NEGR1: variants seen among roughly 807,000 people sequenced by gnomAD.
NEGR1 encodes the protein neuronal growth regulator 1.
A neutral mutation model predicts 40.9 loss-of-function variants in NEGR1; 10 were observed. The observed-to-expected ratio is 0.24, with a 90% CI of 0.15 to 0.42. The LOEUF is 0.42. Among genes scored for constraint, NEGR1 ranks in the 10% least tolerant of loss-of-function variants. The pLI is 1.00. For synonymous variants in NEGR1, 185 were observed against 166.8 expected, an observed-to-expected ratio of 1.11 and a Z score of -0.84; for missense variants, 352 against 438.9, an observed-to-expected ratio of 0.80 and a Z score of 1.77.
intron 6 of NEGR1, among the ~76,000 whole-genome samples, chr1:71,416,867 C>T (rs1277986077): frequency 2.0e-5 from 3 of 152,152 alleles, no homozygotes; most frequent in South Asian, 2.1e-4. Flanking sequence ...AAACAGTACT[C>T]GTATATCAGT....
chr1:71,423,734 G>A (rs981115597), intron 6 of NEGR1, among the ~76,000 whole-genome samples: 2 of 151,708 alleles, frequency 1.3e-5, no homozygotes, highest in African/African-American at 4.8e-5. Context: ...TTTTGGGCAG[G>A]GCATATAAAG....
intron 1 of NEGR1, among the ~76,000 whole-genome samples, chr1:71,953,316 G>A (rs1322036030): frequency 1.3e-5 from 2 of 150,416 alleles, no homozygotes; most frequent in African/African-American, 2.5e-5. Context: ...CTGGAGATGC[G>A]GTGGAAATAG....
At chr1:72,182,138 A>G (rs1652399736) in intron 1 of NEGR1, among the ~76,000 whole-genome samples, 1 of 152,218 alleles carries the variant, frequency 6.6e-6, no homozygotes, top group Non-Finnish European at 1.5e-5. Flanking sequence ...GCTTATTACT[A>G]TCTATATGTA....
chr1:72,245,146 C>T (rs1387341806), intron 1 of NEGR1, among the ~76,000 whole-genome samples: 1 of 151,848 alleles, frequency 6.6e-6, no homozygotes, highest in Admixed American at 6.6e-5. Context: ...GTCAGAGATA[C>T]AGATTTGGGT....
intron 6 of NEGR1, among the ~76,000 whole-genome samples, chr1:71,550,671 T>C (rs939410010): frequency 7.9e-5 from 12 of 151,644 alleles, no homozygotes; most frequent in Non-Finnish European, 1.2e-4. Context: ...GACTAGTTTC[T>C]GAGAGTTCCC....
At chr1:71,866,141 G>T (rs1433399712) in intron 2 of NEGR1, among the ~76,000 whole-genome samples, 2 of 151,918 alleles carry the variant, frequency 1.3e-5, no homozygotes, top group East Asian at 3.9e-4. Flanking sequence ...ATAATAATGA[G>T]GAAAGAAAAA....
At chr1:71,846,613 C>T (rs960090563) in intron 2 of NEGR1, among the ~76,000 whole-genome samples, 1 of 152,136 alleles carries the variant, frequency 6.6e-6, no homozygotes, top group Non-Finnish European at 1.5e-5. Flanking sequence ...CTTTACCACC[C>T]TATATATTGT....
intron 1 of NEGR1, among the ~76,000 whole-genome samples, chr1:72,032,803 C>G (rs539815328): frequency 1.3e-5 from 2 of 152,086 alleles, no homozygotes; most frequent in African/African-American, 4.8e-5. Flanking sequence ...AGGTCACTTC[C>G]TAGGTGAGTA....
intron 1 of NEGR1, among the ~76,000 whole-genome samples, chr1:72,051,072 C>T (rs527903451): frequency 1.3e-5 from 2 of 151,576 alleles, no homozygotes; most frequent in South Asian, 4.1e-4. Context: ...CATGCACTTA[C>T]CACATTTTGC....
chr1:71,748,446 G>T (rs1655457931), intron 3 of NEGR1, among the ~76,000 whole-genome samples: 1 of 152,072 alleles, frequency 6.6e-6, no homozygotes, highest in South Asian at 2.1e-4. Flanking sequence ...TTTAAAGGTA[G>T]ACTGCTATAT....
chr1:72,123,641 A>C (rs1346385697), intron 1 of NEGR1, among the ~76,000 whole-genome samples: 1 of 151,912 alleles, frequency 6.6e-6, no homozygotes, highest in Non-Finnish European at 1.5e-5. Flanking sequence ...CTGTGGGAGG[A>C]CATGTCATAG....
At chr1:71,634,556 T>C (rs1224066924) in intron 4 of NEGR1, among the ~76,000 whole-genome samples, 2 of 152,144 alleles carry the variant, frequency 1.3e-5, no homozygotes, top group African/African-American at 4.8e-5. Flanking sequence ...AAAGAGATCC[T>C]GAGTTCCTAA....
intron 1 of NEGR1, among the ~76,000 whole-genome samples, chr1:72,013,631 T>C (rs11807986): frequency 0.082 from 12,469 of 152,056 alleles, 526 homozygotes; most frequent in African/African-American, 0.11. Flanking sequence ...AAACCTCTAT[T>C]ATTAACAAAT....
chr1:71,429,851 A>G (rs943077168), intron 6 of NEGR1, among the ~76,000 whole-genome samples: 2 of 152,216 alleles, frequency 1.3e-5, no homozygotes, highest in Admixed American at 6.5e-5. Flanking sequence ...TAAAGTAAAA[A>G]TATACTTTAT....
chr1:71,545,459 A>G (rs538457222), intron 6 of NEGR1, among the ~76,000 whole-genome samples: 11 of 151,710 alleles, frequency 7.3e-5, no homozygotes, highest in Non-Finnish European at 8.8e-5. Flanking sequence ...TCAGTGTGTC[A>G]ATATCCTTTT....
chr1:71,966,498 C>T (rs887030660), intron 1 of NEGR1, among the ~76,000 whole-genome samples: 2 of 152,120 alleles, frequency 1.3e-5, no homozygotes, highest in Non-Finnish European at 2.9e-5. Context: ...TTTTTCTATA[C>T]CTACTGATGG....
At chr1:71,909,016 G>A (rs1661354588) in intron 2 of NEGR1, among the ~76,000 whole-genome samples, 2 of 152,084 alleles carry the variant, frequency 1.3e-5, no homozygotes, top group Non-Finnish European at 2.9e-5. Flanking sequence ...AACCACTCAG[G>A]TTTTTAAACA....
intron 1 of NEGR1, among the ~76,000 whole-genome samples, chr1:72,000,561 A>G (rs895385279): frequency 2.6e-5 from 4 of 152,142 alleles, no homozygotes; most frequent in African/African-American, 9.7e-5. Context: ...TTTAAAACAC[A>G]TTTTTCTATT....
At chr1:71,924,081 G>C (rs546080304) in intron 2 of NEGR1, among the ~76,000 whole-genome samples, 76 of 152,082 alleles carry the variant, frequency 5.0e-4, no homozygotes, top group African/African-American at 1.7e-3. Context: ...TGTAGAAATA[G>C]GGTCTCCCCG....
Sources: gnomAD v4.1 joint callset for allele counts (sites outside exome capture counted in the v4.1 genomes callset) on GRCh38, gnomAD v4.1.1 for gene constraint, MANE v1.5 for transcripts, NCBI Gene and HGNC (gene_info 2026-07-23, HGNC 2026-07-21) for gene names.